LIMS1: variants seen among roughly 807,000 people sequenced by gnomAD.
LIMS1 encodes the protein LIM zinc finger domain containing 1.
In LIMS1, 18 loss-of-function variants were observed where a neutral mutation model predicts 44.1. That is an observed-to-expected ratio of 0.41 (90% CI 0.28 to 0.61). The LOEUF is 0.61. Among genes scored for constraint, LIMS1 ranks in the 20% least tolerant of loss-of-function variants. The pLI is 0.32. For missense variants in LIMS1, 201 were observed against 422.0 expected (o/e 0.48, Z 4.59); for synonymous variants, 93 against 149.1 (o/e 0.62, Z 2.74).
At chr2:108,596,374 C>A (rs1686683388) in intron 1 of LIMS1, among the ~76,000 whole-genome samples, 1 of 152,056 alleles carries the variant, frequency 6.6e-6, no homozygotes, top group African/African-American at 2.4e-5. Flanking sequence ...GCTCAGGAGT[C>A]TGGTGTTATA....
At chr2:108,536,533 T>G (rs566492468) in intron 1 of LIMS1, among the ~76,000 whole-genome samples, 1 of 152,346 alleles carries the variant, frequency 6.6e-6, no homozygotes, top group South Asian at 2.1e-4. Flanking sequence ...TTCAGGCTGT[T>G]AGTTTTGGGC....
intron 1 of LIMS1, among the ~76,000 whole-genome samples, chr2:108,602,941 A>AT (rs1050932805): frequency 1.3e-5 from 2 of 151,502 alleles, no homozygotes; most frequent in East Asian, 1.9e-4. Context: ...AATTTTTTGT[A>AT]TTTTTTTGCA....
At chr2:108,634,433 G>A (rs1012250117) in intron 1 of LIMS1, among the ~76,000 whole-genome samples, 2 of 152,230 alleles carry the variant, frequency 1.3e-5, no homozygotes, top group Non-Finnish European at 2.9e-5. Flanking sequence ...GACTGTTACT[G>A]CATTACATTT....
chr2:108,562,636 T>C (rs1457898455), intron 1 of LIMS1, among the ~76,000 whole-genome samples: 1 of 152,168 alleles, frequency 6.6e-6, no homozygotes, highest in Non-Finnish European at 1.5e-5. Context: ...GGAAAGTTAG[T>C]AGAAGTTCAT....
intron 1 of LIMS1, chr2:108,621,345 GGA>G: frequency 6.4e-7 from 1 of 1,550,574 alleles, no homozygotes; most frequent in Non-Finnish European, 8.7e-7. Context: ...ATTGATGTGT[GGA>G]GAGAAGTATG....
rs182567281 is a variant in LIMS1, at chr2:108,625,531, C to A, written c.33-34074C>A. Among the ~76,000 whole-genome samples the A allele has an allele frequency of 4.6e-5, 7 of 152,226 alleles. No homozygotes were observed. In the East Asian group the frequency reaches 1.4e-3, roughly 29 times the overall value. ...TCACCTCCCAGTTAGGTTTATCTTG[C>A]CTGGATAAAATCAGGGCTACGTCAG... is the stretch of plus-strand genomic sequence containing the variant. On this transcript the variant is annotated intron_variant, in intron 1 of 9. Transcript: ENST00000544547.
At chr2:108,668,044 GT>G (rs1328336106) in intron 2 of LIMS1, among the ~76,000 whole-genome samples, 13 of 152,046 alleles carry the variant, frequency 8.6e-5, no homozygotes, top group Non-Finnish European at 1.8e-4. Flanking sequence ...ACAGAAGGCT[GT>G]TTTGTGGTCA....
At chr2:108,589,823 A>C (rs552354135) in intron 1 of LIMS1, among the ~76,000 whole-genome samples, 2 of 151,766 alleles carry the variant, frequency 1.3e-5, no homozygotes, top group Non-Finnish European at 2.9e-5. Flanking sequence ...TAATTTCCAC[A>C]TATTTGTTAA....
Position 108,566,841 on chromosome 2 carries a change from C to G in LIMS1, c.32+32247C>G, listed in dbSNP as rs533415384. Among the ~76,000 whole-genome samples the G allele has an allele frequency of 3.9e-5, 6 of 152,258 alleles. No individual in the cohort carries two copies. In the South Asian group the frequency reaches 1.2e-3, roughly 32 times the overall value. Reference sequence around the variant, plus strand: ...CAAACTCCTGACCTCAGGTGATGCTCCCGCCTCAGCCTTCCAACGTGCTGG... The same window carrying G: ...CAAACTCCTGACCTCAGGTGATGCTGCCGCCTCAGCCTTCCAACGTGCTGG... On this transcript the variant is annotated intron_variant, in intron 1 of 9. Transcript: ENST00000544547.
intron 1 of LIMS1, among the ~76,000 whole-genome samples, chr2:108,587,113 T>A (rs187042709): frequency 6.6e-6 from 1 of 152,286 alleles, no homozygotes; most frequent in East Asian, 1.9e-4. Flanking sequence ...GAACTCCCTC[T>A]GCCTTTAGCT....
At chr2:108,583,189 C>T (rs1425323067) in intron 1 of LIMS1, among the ~76,000 whole-genome samples, 2 of 146,312 alleles carry the variant, frequency 1.4e-5, no homozygotes, top group Non-Finnish European at 3.0e-5. Flanking sequence ...CGCACCACCA[C>T]GCCTGGCTAA....
At chr2:108,628,149 A>G (rs1329911884) in intron 1 of LIMS1, among the ~76,000 whole-genome samples, 1 of 152,210 alleles carries the variant, frequency 6.6e-6, no homozygotes, top group Non-Finnish European at 1.5e-5. Flanking sequence ...CCATCTTCTC[A>G]GTGTGTCTGT....
At chr2:108,658,797 G>C (rs1159708776) in intron 1 of LIMS1, among the ~76,000 whole-genome samples, 2 of 152,302 alleles carry the variant, frequency 1.3e-5, no homozygotes, top group Non-Finnish European at 2.9e-5. Flanking sequence ...TATGAAACGT[G>C]GTGGTATCCC....
chr2:108,534,694 G>T, intron 1 of LIMS1, 100 bp downstream of exon 1: 1 of 677,350 alleles, frequency 1.5e-6, no homozygotes, highest in Non-Finnish European at 1.8e-6. Flanking sequence ...GGGCGGCCGG[G>T]CTTTCCCCGC....
At chr2:108,600,748 A>G (rs896347838) in intron 1 of LIMS1, among the ~76,000 whole-genome samples, 1 of 152,154 alleles carries the variant, frequency 6.6e-6, no homozygotes, top group Non-Finnish European at 1.5e-5. Flanking sequence ...TTTTATGCCA[A>G]TACCATGCTG....
intron 1 of LIMS1, among the ~76,000 whole-genome samples, chr2:108,569,756 A>G (rs1403562466): frequency 1.2e-5 from 1 of 84,888 alleles, no homozygotes; most frequent in African/African-American, 3.5e-5. Flanking sequence ...ACTCACCGCC[A>G]TATCTGGCTT....
intron 1 of LIMS1, among the ~76,000 whole-genome samples, chr2:108,604,849 C>T (rs1687189828): frequency 1.3e-5 from 2 of 152,168 alleles, no homozygotes; most frequent in South Asian, 2.1e-4. Flanking sequence ...TTGATCTCCG[C>T]CAGGTAAGAG....
chr2:108,579,340 G>T (rs1012182857), intron 1 of LIMS1, among the ~76,000 whole-genome samples: 1 of 152,130 alleles, frequency 6.6e-6, no homozygotes. Flanking sequence ...AATTTTACTT[G>T]TACTCAGTGT....
chr2:108,568,814 C>T (rs1004778379), intron 1 of LIMS1, among the ~76,000 whole-genome samples: 1 of 152,056 alleles, frequency 6.6e-6, no homozygotes, highest in Non-Finnish European at 1.5e-5. Flanking sequence ...TGCTTGTTAG[C>T]TATTTGTATG....
Sources: gnomAD v4.1 joint callset for allele counts (sites outside exome capture counted in the v4.1 genomes callset) on GRCh38, gnomAD v4.1.1 for gene constraint, MANE v1.5 for transcripts, NCBI Gene and HGNC (gene_info 2026-07-23, HGNC 2026-07-21) for gene names.